SPOCK1: variants seen among roughly 807,000 people sequenced by gnomAD.
SPOCK1 encodes the protein SPARC (osteonectin), cwcv and kazal like domains proteoglycan 1.
SPOCK1 carries 23 observed loss-of-function variants against 55.3 expected under a neutral mutation model. The ratio of observed to expected loss-of-function variants is 0.42; its 90% CI spans 0.30 to 0.59. The LOEUF is 0.59. Ranked by LOEUF, SPOCK1 falls within the 20% of genes least tolerant of loss-of-function variation. The probability of loss-of-function intolerance (pLI) is 0.22; values close to 1 mark genes in which losing one functional copy is unlikely to be tolerated. For missense variants in SPOCK1, 499 were observed against 552.5 expected (o/e 0.90, Z 0.97); for synonymous variants, 226 against 221.0 (o/e 1.02, Z -0.20).
At chr5:137,404,892 C>T (rs533939968) in intron 2 of SPOCK1, among the ~76,000 whole-genome samples, 6 of 152,266 alleles carry the variant, frequency 3.9e-5, no homozygotes, top group South Asian at 2.1e-4. Flanking sequence ...CACAAAGTTA[C>T]GTTTCCAGGT....
intron 6 of SPOCK1, among the ~76,000 whole-genome samples, chr5:136,993,736 C>A (rs887439819): frequency 2.0e-5 from 3 of 152,106 alleles, no homozygotes; most frequent in African/African-American, 7.2e-5. Flanking sequence ...GGGCTCAGAA[C>A]CTACCAGTGC....
chr5:136,992,708 G>T (rs554760541), intron 6 of SPOCK1, 108 bp from the exon 7 acceptor site: 2 of 738,286 alleles, frequency 2.7e-6, no homozygotes, highest in Non-Finnish European at 4.4e-6. Context: ...ATCCAACCAC[G>T]ATATAACTGT....
intron 4 of SPOCK1, among the ~76,000 whole-genome samples, chr5:137,120,160 T>G (rs539428197): frequency 6.6e-6 from 1 of 152,204 alleles, no homozygotes; most frequent in South Asian, 2.1e-4. Context: ...TTGGCCCAGA[T>G]AACGAGAGCC....
intron 6 of SPOCK1, among the ~76,000 whole-genome samples, chr5:137,016,159 CA>C (rs769564046): frequency 2.6e-5 from 4 of 152,200 alleles, no homozygotes; most frequent in Non-Finnish European, 5.9e-5. Flanking sequence ...AGACCACTAA[CA>C]AACCCCCGCA....
intron 6 of SPOCK1, among the ~76,000 whole-genome samples, chr5:137,067,279 T>C (rs758161175): frequency 2.8e-4 from 43 of 152,162 alleles, no homozygotes; most frequent in Non-Finnish European, 5.7e-4. Context: ...AAGCAGAATA[T>C]ATTAATAAAG....
intron 3 of SPOCK1, among the ~76,000 whole-genome samples, chr5:137,187,318 C>T (rs1755088684): frequency 6.6e-6 from 1 of 152,180 alleles, no homozygotes; most frequent in African/African-American, 2.4e-5. Flanking sequence ...AAGCTGGGGC[C>T]AGTGTTTACC....
At chr5:137,257,304 T>G (rs1028484803) in intron 3 of SPOCK1, among the ~76,000 whole-genome samples, 1 of 152,206 alleles carries the variant, frequency 6.6e-6, no homozygotes, top group Non-Finnish European at 1.5e-5. Context: ...CCCCCAAAAT[T>G]TATGTGTTGA....
rs369140573 is a variant in SPOCK1 at position 137,332,787 on chromosome 5, G to C, written c.187-65732C>G. 3.9e-5 allele frequency among the ~76,000 whole-genome samples: 6 copies of C among 152,316 alleles called. No homozygotes were observed. In the East Asian group the frequency reaches 7.7e-4, roughly 20 times the overall value. Reference sequence around the variant, plus strand: ...GCAACTGTGTGTGTGTAGAGAGGCAGACAGACAGATGTCTGCTGAAAAAAT... The same window carrying C: ...GCAACTGTGTGTGTGTAGAGAGGCACACAGACAGATGTCTGCTGAAAAAAT... On this transcript the variant is annotated intron_variant, in intron 2 of 10. Coordinates refer to ENST00000394945, the MANE Select transcript of SPOCK1 (RefSeq NM_004598.4).
chr5:137,189,580 T>C (rs1344209966), intron 3 of SPOCK1, among the ~76,000 whole-genome samples: 1 of 152,226 alleles, frequency 6.6e-6, no homozygotes, highest in Non-Finnish European at 1.5e-5. Flanking sequence ...TACTGCTCAT[T>C]CACAATGCAT....
intron 3 of SPOCK1, among the ~76,000 whole-genome samples, chr5:137,201,592 T>G (rs577865545): frequency 6.6e-6 from 1 of 152,188 alleles, no homozygotes; most frequent in African/African-American, 2.4e-5. Context: ...CCGTTTGGGA[T>G]GTAATCCAAG....
At chr5:137,393,549 G>A (rs1208650772) in intron 2 of SPOCK1, among the ~76,000 whole-genome samples, 1 of 152,140 alleles carries the variant, frequency 6.6e-6, no homozygotes, top group Non-Finnish European at 1.5e-5. Context: ...ACAGATAGCT[G>A]GTATATACAT....
intron 4 of SPOCK1, among the ~76,000 whole-genome samples, chr5:137,125,580 T>C (rs922555963): frequency 1.3e-5 from 2 of 151,404 alleles, no homozygotes; most frequent in Admixed American, 6.6e-5. Flanking sequence ...GAGGACACAA[T>C]GAAAAAATGT....
chr5:137,426,068 G>A (rs865853786), intron 2 of SPOCK1, among the ~76,000 whole-genome samples: 1 of 151,840 alleles, frequency 6.6e-6, no homozygotes, highest in African/African-American at 2.4e-5. Context: ...CTCCAACCCT[G>A]GCTTGGCCAC....
chr5:137,295,441 T>C (rs2905548), intron 2 of SPOCK1, among the ~76,000 whole-genome samples: 130,603 of 152,250 alleles, frequency 0.86, 56,340 homozygotes, highest in African/African-American at 0.94. Context: ...AGCATGTCTA[T>C]GTTTCATCAA....
intron 6 of SPOCK1, among the ~76,000 whole-genome samples, chr5:136,996,234 C>G (rs1471997267): frequency 6.6e-6 from 1 of 152,120 alleles, no homozygotes; most frequent in Non-Finnish European, 1.5e-5. Flanking sequence ...AAGTAATGTT[C>G]GTGGGGTGAA....
At chr5:137,489,326 GCAACCC>G (rs1469710502) in intron 2 of SPOCK1, among the ~76,000 whole-genome samples, 1 of 152,162 alleles carries the variant, frequency 6.6e-6, no homozygotes, top group Non-Finnish European at 1.5e-5. Context: ...AGCTGAAGGA[GCAACCC>G]CATGTATACT....
intron 6 of SPOCK1, among the ~76,000 whole-genome samples, chr5:137,053,606 G>A (rs868753409): frequency 9.7e-5 from 14 of 144,652 alleles, no homozygotes; most frequent in East Asian, 4.2e-4. Context: ...ACTCCATAGT[G>A]CCACTGGGGA....
At chr5:137,495,964 G>T (rs1035875863) in intron 2 of SPOCK1, among the ~76,000 whole-genome samples, 3 of 151,940 alleles carry the variant, frequency 2.0e-5, no homozygotes, top group African/African-American at 7.3e-5. Flanking sequence ...TGGCATGCTG[G>T]ATTAAATTAT....
chr5:137,206,068 A>G (rs2127078884), intron 3 of SPOCK1, among the ~76,000 whole-genome samples: 1 of 152,366 alleles, frequency 6.6e-6, no homozygotes, highest in South Asian at 2.1e-4. Flanking sequence ...CCTGCAGCAC[A>G]ACGACTCAAA....
Sources: gnomAD v4.1 joint callset for allele counts (sites outside exome capture counted in the v4.1 genomes callset) on GRCh38, gnomAD v4.1.1 for gene constraint, MANE v1.5 for transcripts, NCBI Gene and HGNC (gene_info 2026-07-23, HGNC 2026-07-21) for gene names.